The following FYN variants were observed in gnomAD, a reference collection of about 807,000 sequenced individuals.
FYN encodes the protein tyrosine-protein kinase Fyn.
A neutral mutation model predicts 70.2 loss-of-function variants in FYN; 10 were observed. The ratio of observed to expected loss-of-function variants is 0.14; its 90% CI spans 0.09 to 0.24. The LOEUF (loss-of-function observed/expected upper bound fraction) is 0.24, where lower values mean the gene tolerates loss of function less well. Among genes scored for constraint, FYN ranks in the 10% least tolerant of loss-of-function variants. The probability of loss-of-function intolerance (pLI) is 1.00; values close to 1 mark genes in which losing one functional copy is unlikely to be tolerated. For missense variants in FYN, 319 were observed against 673.1 expected (o/e 0.47, Z 5.82); for synonymous variants, 236 against 248.6 (o/e 0.95, Z 0.48).
At chr6:111,855,702 CT>C (rs1312662828) in intron 1 of FYN, among the ~76,000 whole-genome samples, 1 of 152,136 alleles carries the variant, frequency 6.6e-6, no homozygotes. Context: ...TAGACAAGTC[CT>C]TTAAAAAGTT....
Position 111,808,914 on chromosome 6 carries a change from T to A in FYN, c.-81-28279A>T, listed in dbSNP as rs1040651191. 1.3e-5 allele frequency among the ~76,000 whole-genome samples: 2 copies of A among 152,216 alleles called. 1 individual carries two copies. The highest frequency in any genetic ancestry group is 4.1e-4 in the South Asian group (2 of 4,832). On this transcript the variant is annotated intron_variant, in intron 2 of 13. Coordinates refer to ENST00000354650, the MANE Select transcript of FYN (RefSeq NM_002037.5). ...AAATATTTATGGAGCACCTATTCCA[T>A]GCAAGAAATGATATCTTACTTTAGC... is the stretch of plus-strand genomic sequence containing the variant.
intron 2 of FYN, among the ~76,000 whole-genome samples, chr6:111,838,003 C>A (rs1026295136): frequency 6.6e-6 from 1 of 152,158 alleles, no homozygotes; most frequent in Non-Finnish European, 1.5e-5. Context: ...TAATGAACGC[C>A]CCTAGATCTT....
At chr6:111,734,529 C>G (rs1419496666) in intron 3 of FYN, among the ~76,000 whole-genome samples, 3 of 152,168 alleles carry the variant, frequency 2.0e-5, no homozygotes, top group Non-Finnish European at 4.4e-5. Context: ...CTGGCTCAAC[C>G]AACTCTGGCA....
chr6:111,843,334 A>G (rs947996271), intron 2 of FYN, among the ~76,000 whole-genome samples: 1 of 152,222 alleles, frequency 6.6e-6, no homozygotes, highest in Non-Finnish European at 1.5e-5. Flanking sequence ...TTACACAAAA[A>G]GCACATTTTT....
chr6:111,867,717 C>A (rs1241286970), intron 1 of FYN, among the ~76,000 whole-genome samples: 1 of 152,088 alleles, frequency 6.6e-6, no homozygotes, highest in African/African-American at 2.4e-5. Context: ...CCTTTCCTTC[C>A]ATTTAGACCC....
chr6:111,685,202 T>C (rs924784525), intron 12 of FYN, among the ~76,000 whole-genome samples: 16 of 152,156 alleles, frequency 1.1e-4, no homozygotes, highest in African/African-American at 3.9e-4. Context: ...GGGATGTAGC[T>C]CAACACAGAA....
At chr6:111,770,703 C>T (rs1803411934) in intron 3 of FYN, among the ~76,000 whole-genome samples, 1 of 152,134 alleles carries the variant, frequency 6.6e-6, no homozygotes, top group Non-Finnish European at 1.5e-5. Context: ...GGCATCTGCT[C>T]AGCTTCTCAG....
At chr6:111,747,791 C>G (rs1485270383) in intron 3 of FYN, among the ~76,000 whole-genome samples, 1 of 152,164 alleles carries the variant, frequency 6.6e-6, no homozygotes, top group Non-Finnish European at 1.5e-5. Flanking sequence ...CCAGATATAC[C>G]TATTTGCTAT....
At chr6:111,760,538 C>T (rs1181002836) in intron 3 of FYN, among the ~76,000 whole-genome samples, 3 of 152,332 alleles carry the variant, frequency 2.0e-5, no homozygotes, top group South Asian at 2.1e-4. Flanking sequence ...GCTCCCCTGG[C>T]TGTGAGGTCA....
intron 3 of FYN, among the ~76,000 whole-genome samples, chr6:111,737,522 TGA>T (rs1318977518): frequency 1.3e-5 from 2 of 152,164 alleles, no homozygotes; most frequent in Non-Finnish European, 2.9e-5. Flanking sequence ...ATACACAGGG[TGA>T]GGTATGAAGG....
rs116794531 is a variant in FYN at position 111,782,620 on chromosome 6, T to C, written c.-81-1985A>G. Among the ~76,000 whole-genome samples, 276 of 152,296 alleles carry C rather than the reference T, an allele frequency of 1.8e-3. 2 individuals are homozygous for C. Among genetic ancestry groups the C allele is most frequent in the African/African-American group, 6.5e-3 (269 of 41,562 alleles). ...TAGCTGTTCAATCATTCTGTCAATATAGAGGGCGCCTGTGTGACACAAGCA... is the reference window on the plus strand; with the variant it reads ...TAGCTGTTCAATCATTCTGTCAATACAGAGGGCGCCTGTGTGACACAAGCA... On this transcript the variant is annotated intron_variant, in intron 2 of 13. Transcript: ENST00000354650.
rs573050728 is a variant in FYN at position 111,868,446 on chromosome 6, G to C, written c.-123+4522C>G. Among the ~76,000 whole-genome samples the C allele has an allele frequency of 3.3e-5, 5 of 152,154 alleles. No individual in the cohort carries two copies. The South Asian group carries it at 1.0e-3, about 32-fold the overall frequency. On this transcript the variant is annotated intron_variant, in intron 1 of 13. Transcript: ENST00000354650. ...ACAGAGTAAAATTATTTCCAGTATC[G>C]ACATGCCTTGCTTTACCATTGTTTA...
Position 111,703,017 on chromosome 6 carries a change from T to C in FYN, c.565A>G (p.Ile189Val), listed in dbSNP as rs753926758. The C allele has an allele frequency of 2.5e-6, 4 of 1,614,068 alleles. No homozygotes were observed. Among genetic ancestry groups the C allele is most frequent in the African/African-American group, 1.3e-5 (1 of 75,050 alleles). ...CCTTTCATATCATCCCAATCACGGA[T>C]AGAAAGTGAATAGGCACCTGGTAAA... ...ETTKGAYSLS[I>V]RDWDDMKGDH... The change falls in exon 8 of 14, where the codon ATC (isoleucine) becomes GTC (valine). Residue 189 changes from isoleucine (I) to valine (V), a missense_variant. Physicochemically the swap from Ile to Val is conservative, Grantham distance 29. Coordinates refer to ENST00000354650, the MANE Select transcript of FYN (RefSeq NM_002037.5).
At position 111,694,223 on chromosome 6, in the gene FYN, A is replaced by C. The variant is rs1054729120; in HGVS notation, c.1273+152T>G. ...AGTCTCCCACCTGCAGAGCTGTCAA[A>C]TTCCTGCCAGATCAAGGTGTCCAAA... On this transcript the variant is annotated intron_variant, in intron 12 of 13. Coordinates refer to ENST00000354650, the MANE Select transcript of FYN (RefSeq NM_002037.5). This position sits in a 1 kb window ranked among gnomAD's most constrained non-coding sequence, Gnocchi z 5.0. The C allele has an allele frequency of 6.2e-6, 6 of 968,792 alleles. No individual in the cohort carries two copies. In the African/African-American group the frequency reaches 9.8e-5, roughly 16 times the overall value. The allele number at this position is 968,792 out of a possible 1,614,324, so 60.0% of individuals were successfully genotyped here.
chr6:111,734,258 G>T (rs1801601969), intron 3 of FYN, among the ~76,000 whole-genome samples: 1 of 152,072 alleles, frequency 6.6e-6, no homozygotes, highest in Non-Finnish European at 1.5e-5. Context: ...TGAACCTCAG[G>T]AATTATGAGG....
In FYN at chr6:111,821,359, AC is replaced by A. The variant is rs1195283485; in HGVS notation, c.-82+25229del. On this transcript the variant is annotated intron_variant, in intron 2 of 13. Transcript: ENST00000354650. Reference sequence around the variant, plus strand: ...TCTACAACCATCTGATCTTTGACAAACCTGACAAAAACAAGAAATTGGGAAA... The same window carrying A: ...TCTACAACCATCTGATCTTTGACAAACTGACAAAAACAAGAAATTGGGAAA... Among the ~76,000 whole-genome samples the A allele has an allele frequency of 2.8e-4, 43 of 152,302 alleles. 1 individual carries two copies. The highest frequency in any genetic ancestry group is 1.0e-3 in the African/African-American group (43 of 41,544).
chr6:111,713,501 T>C lies in FYN; in HGVS notation c.344+846A>G, dbSNP rs371048139. ...CTTTCCCAACCACCGGGAGCACTCA[T>C]AGGGACGCTGGAGATGCCTGGCTTG... On this transcript the variant is annotated intron_variant, in intron 5 of 13. Coordinates refer to ENST00000354650, the MANE Select transcript of FYN (RefSeq NM_002037.5). Among the ~76,000 whole-genome samples, 22 of 152,108 alleles carry C rather than the reference T, an allele frequency of 1.4e-4. No homozygotes were observed. The South Asian group carries it at 2.9e-3, about 20-fold the overall frequency.
chr6:111,820,571 TG>T (rs1038791106), intron 2 of FYN, among the ~76,000 whole-genome samples: 2 of 152,162 alleles, frequency 1.3e-5, no homozygotes, highest in African/African-American at 2.4e-5. Context: ...ATTTAAATTA[TG>T]ATATAATTTA....
intron 2 of FYN, among the ~76,000 whole-genome samples, chr6:111,782,988 A>G (rs116535548): frequency 0.021 from 3,267 of 152,256 alleles, 127 homozygotes; most frequent in African/African-American, 0.075. Flanking sequence ...CACAGTGACT[A>G]TCTTGGGAAG....
Sources: allele counts gnomAD v4.1 joint callset (sites outside exome capture counted in the v4.1 genomes callset), GRCh38; gene constraint gnomAD v4.1.1; non-coding constraint Gnocchi (gnomAD v3.1); transcripts MANE v1.5; gene names NCBI Gene and HGNC (gene_info 2026-07-23, HGNC 2026-07-21).